NHSL2: variants seen among roughly 807,000 people sequenced by gnomAD.
NHSL2 encodes the protein NHS like 2, also known as NHS-like protein 2.
In NHSL2, 27 loss-of-function variants were observed where a neutral mutation model predicts 53.4. The ratio of observed to expected loss-of-function variants is 0.51; its 90% CI spans 0.37 to 0.70. The LOEUF is 0.70. Among genes scored for constraint, NHSL2 ranks in the 30% least tolerant of loss-of-function variants. The pLI is 0.00. For missense variants in NHSL2, 892 were observed against 980.1 expected (o/e 0.91, Z 1.20); for synonymous variants, 408 against 404.1 (o/e 1.01, Z -0.12).
At chrX:71,935,179 T>C (rs1279872203) in intron 1 of NHSL2, among the ~76,000 whole-genome samples, 3 of 111,916 alleles carry the variant, frequency 2.7e-5, no homozygotes, top group African/African-American at 6.5e-5. Flanking sequence ...CCTGTCACTA[T>C]TTTTGTTTCT....
intron 1 of NHSL2, among the ~76,000 whole-genome samples, chrX:71,927,791 T>C (rs139983834): frequency 1.8e-5 from 2 of 111,123 alleles, no homozygotes; most frequent in Non-Finnish European, 3.8e-5. Context: ...ACTCCTGATC[T>C]CAGGTGATCC....
At chrX:72,020,635 A>G (rs954498612) in intron 1 of NHSL2, among the ~76,000 whole-genome samples, 2 of 112,427 alleles carry the variant, frequency 1.8e-5, no homozygotes, top group African/African-American at 3.2e-5. Context: ...TCTGGGATTT[A>G]CTGCCCCACC....
chrX:71,986,489 T>C (rs1414608144), intron 1 of NHSL2, among the ~76,000 whole-genome samples: 1 of 112,388 alleles, frequency 8.9e-6, no homozygotes, highest in Non-Finnish European at 1.9e-5. Context: ...CCCCTCCCTT[T>C]TTCCCTGCCA....
intron 1 of NHSL2, among the ~76,000 whole-genome samples, chrX:72,036,424 T>C (rs758584425): frequency 1.2e-4 from 14 of 112,619 alleles, no homozygotes; most frequent in African/African-American, 4.5e-4. Context: ...TTTTTATTTA[T>C]TTTTAATAAA....
intron 1 of NHSL2, among the ~76,000 whole-genome samples, chrX:72,072,718 A>G (rs2041710473): frequency 8.9e-6 from 1 of 112,403 alleles, no homozygotes; most frequent in Non-Finnish European, 1.9e-5. Context: ...TAATTAATAA[A>G]GTTCATCACC....
rs60731699 is a variant in NHSL2 at position 72,056,552 on chromosome X, GCACACA to G, written c.281-75505_281-75500del. ...ATTTGTGTGCTTATTTAACGTCTGC[GCACACA>G]CACACACACACACACACACACGCTC... is the stretch of plus-strand genomic sequence containing the variant. On this transcript the variant is annotated intron_variant, in intron 1 of 7. Coordinates refer to ENST00000633930, the MANE Select transcript of NHSL2 (RefSeq NM_001013627.3). Among the ~76,000 whole-genome samples the G allele has an allele frequency of 5.5e-3, 580 of 104,530 alleles. 3 individuals carry two copies. Among genetic ancestry groups the G allele is most frequent in the African/African-American group, 0.019 (555 of 28,977 alleles). The allele number at this position is 104,530 out of a possible 115,157, so 90.8% of individuals were successfully genotyped here.
chrX:71,918,689 C>T (rs1052477050), intron 1 of NHSL2, among the ~76,000 whole-genome samples: 2 of 111,932 alleles, frequency 1.8e-5, no homozygotes, highest in Non-Finnish European at 3.8e-5. Flanking sequence ...TGAGTGTCTC[C>T]TTTGACTCAG....
At chrX:72,038,093 C>G (rs1186485308) in intron 1 of NHSL2, among the ~76,000 whole-genome samples, 1 of 112,154 alleles carries the variant, frequency 8.9e-6, no homozygotes, top group East Asian at 2.8e-4. Flanking sequence ...GAGTCTGGGA[C>G]CTAGTCACAT....
At position 72,145,976 on chromosome X, in the gene NHSL2, G is replaced by A. The variant is rs919933914; in HGVS notation, c.*2402G>A. ...CTTCTACATCATCACTGTGGCCCAC[G>A]CAGTGGTGTTCCCATTAGCACAAGA... On this transcript the variant is annotated 3_prime_UTR_variant, in exon 8 of 8. Transcript: ENST00000633930. 4 of 112,746 alleles carry A rather than the reference G, an allele frequency of 3.5e-5. No individual in the cohort carries two copies. The highest frequency in any genetic ancestry group is 9.4e-5 in the Admixed American group (1 of 10,680). The allele number at this position is 112,746 out of a possible 1,213,427, so 9.3% of individuals were successfully genotyped here. A position where few individuals can be genotyped will look rare whatever the true frequency, so the allele number is the denominator to read the frequency against.
intron 5 of NHSL2, among the ~76,000 whole-genome samples, chrX:72,138,048 C>T (rs776974454): frequency 6.3e-5 from 7 of 111,508 alleles, no homozygotes; most frequent in South Asian, 3.8e-4. Flanking sequence ...TGGAGCCAAA[C>T]GTCACACCAT....
chrX:72,013,536 CTT>C (rs60217492), intron 1 of NHSL2, among the ~76,000 whole-genome samples: 10 of 96,684 alleles, frequency 1.0e-4, no homozygotes, highest in Admixed American at 1.1e-4. Flanking sequence ...CTTTTTTCTT[CTT>C]TTTTTTTTTT....
At chrX:71,969,502 G>T (rs908453439) in intron 1 of NHSL2, among the ~76,000 whole-genome samples, 2 of 110,233 alleles carry the variant, frequency 1.8e-5, no homozygotes, top group Non-Finnish European at 3.8e-5. Context: ...TAGTAGAGAC[G>T]GGGTTTCCCC....
rs1318415996 is a variant in NHSL2, at chrX:72,153,080, G to A, written c.*9506G>A. ...CATTTCAAGAAGAAGCAGAAAGTAG[G>A]AGAGATCACGATCTCAGTCTTTTTA... is the stretch of plus-strand genomic sequence containing the variant. On this transcript the variant is annotated 3_prime_UTR_variant, in exon 8 of 8. Transcript: ENST00000633930. 9.0e-6 allele frequency: 1 copy of A among 111,690 alleles called. No homozygotes were observed. The highest frequency in any genetic ancestry group is 1.9e-5 in the Non-Finnish European group (1 of 53,138). 9.2% of individuals were successfully genotyped at this position (111,690 alleles called of 1,213,427 possible). A position where few individuals can be genotyped will look rare whatever the true frequency, so the allele number is the denominator to read the frequency against.
chrX:72,120,923 T>G, intron 1 of NHSL2, among the ~76,000 whole-genome samples: 1 of 112,573 alleles, frequency 8.9e-6, no homozygotes, highest in Non-Finnish European at 1.9e-5. Context: ...AGCCAAGTGT[T>G]GCTCATTTGT....
chrX:71,922,548 G>A (rs1270473624), intron 1 of NHSL2, among the ~76,000 whole-genome samples: 4 of 112,045 alleles, frequency 3.6e-5, no homozygotes, highest in East Asian at 2.8e-4. Context: ...GAGGTGGCAC[G>A]GGCCTGTAGT....
At chrX:71,949,325 C>T (rs1340748992) in intron 1 of NHSL2, among the ~76,000 whole-genome samples, 1 of 110,611 alleles carries the variant, frequency 9.0e-6, no homozygotes, top group Non-Finnish European at 1.9e-5. Context: ...AGGTGGGCTT[C>T]CTGAAGGCAA....
chrX:71,910,983 C>A lies in NHSL2; in HGVS notation c.-105C>A. 4.6e-6 allele frequency: 3 copies of A among 652,746 alleles called. No homozygotes were observed. Among genetic ancestry groups the A allele is most frequent in the Non-Finnish European group, 6.0e-6 (3 of 503,218 alleles). 53.8% of individuals were successfully genotyped at this position (652,746 alleles called of 1,213,427 possible). ...GCCCGCGCCCAGGGGCCTGCTACAC[C>A]CGGAGCTGGGGCCGCCGCTCAGGGG... On this transcript the variant is annotated 5_prime_UTR_variant, in exon 1 of 8. Coordinates refer to ENST00000633930, the MANE Select transcript of NHSL2 (RefSeq NM_001013627.3).
chrX:72,000,226 C>A (rs2042066885), intron 1 of NHSL2, among the ~76,000 whole-genome samples: 1 of 111,731 alleles, frequency 9.0e-6, no homozygotes, highest in African/African-American at 3.3e-5. Flanking sequence ...CCAGCACCTT[C>A]TCTGTGCGAG....
intron 1 of NHSL2, among the ~76,000 whole-genome samples, chrX:72,103,524 A>G (rs2042012958): frequency 8.9e-6 from 1 of 111,844 alleles, no homozygotes; most frequent in African/African-American, 3.3e-5. Flanking sequence ...GTAGCAAGGT[A>G]AGAGTAGAGC....
Sources: allele counts gnomAD v4.1 joint callset (sites outside exome capture counted in the v4.1 genomes callset), GRCh38; gene constraint gnomAD v4.1.1; transcripts MANE v1.5; gene names NCBI Gene and HGNC (gene_info 2026-07-23, HGNC 2026-07-21).